The following ZNF658 variants were observed in gnomAD, a reference collection of about 807,000 sequenced individuals.
The protein encoded by ZNF658 is zinc finger protein 658.
Under a neutral mutation model 78.0 loss-of-function variants are expected in ZNF658, and 46 were observed. The ratio of observed to expected loss-of-function variants is 0.59; its 90% CI spans 0.47 to 0.75. The LOEUF (loss-of-function observed/expected upper bound fraction) is 0.75, where lower values mean the gene tolerates loss of function less well. Ranked by LOEUF, ZNF658 falls within the 30% of genes least tolerant of loss-of-function variation. The probability of loss-of-function intolerance (pLI) is 0.00; values close to 1 mark genes in which losing one functional copy is unlikely to be tolerated. For missense variants in ZNF658, 785 were observed against 1,189.3 expected (o/e 0.66, Z 5.00); for synonymous variants, 279 against 408.4 (o/e 0.68, Z 3.82).
At chr9:66,925,780 C>T (rs1215797257), downstream of ZNF658, among the ~76,000 whole-genome samples, 1 of 151,786 alleles carries the variant, frequency 6.6e-6, no homozygotes, top group Non-Finnish European at 1.5e-5. Flanking sequence ...AGACAAAAGA[C>T]ACTACAAAAA....
chr9:66,908,743 G>A lies in ZNF658; in HGVS notation c.238+9G>A, dbSNP rs369435716. The A allele has an allele frequency of 2.9e-5, 46 of 1,609,748 alleles. No homozygotes were observed. In the African/African-American group the frequency reaches 4.6e-4, roughly 16 times the overall value. On this transcript the variant is annotated intron_variant, in intron 4 of 4. Coordinates refer to ENST00000621410, the MANE Select transcript of ZNF658 (RefSeq NM_033160.7). ...GAACCAGAGGTACCCAGGTGAGTGGGCATTAACAGAAGGAGCCCCCTGGGG... is the reference window on the plus strand; with the variant it reads ...GAACCAGAGGTACCCAGGTGAGTGGACATTAACAGAAGGAGCCCCCTGGGG...
At chr9:66,929,506 T>C (rs1822619267) in intron 6 of ZNF658, among the ~76,000 whole-genome samples, 2 of 151,008 alleles carry the variant, frequency 1.3e-5, no homozygotes, top group South Asian at 4.2e-4. Flanking sequence ...TAGACAGCTA[T>C]TGAATTATTT....
intron 1 of ZNF658, among the ~76,000 whole-genome samples, chr9:66,901,676 G>A (rs1821955892): frequency 6.6e-6 from 1 of 152,132 alleles, no homozygotes; most frequent in Non-Finnish European, 1.5e-5. Context: ...CAGGTGCGGT[G>A]GCTCATGCCT....
chr9:66,909,611 T>C (rs564110597), intron 4 of ZNF658, among the ~76,000 whole-genome samples: 1 of 152,062 alleles, frequency 6.6e-6, no homozygotes, highest in Non-Finnish European at 1.5e-5. Context: ...TCATATGGTA[T>C]CTGTGTCTTT....
At chr9:66,922,599 G>T (rs1822545558), downstream of ZNF658, among the ~76,000 whole-genome samples, 1 of 68,378 alleles carries the variant, frequency 1.5e-5, no homozygotes, top group Non-Finnish European at 3.2e-5. Flanking sequence ...AAGACTGAGA[G>T]GGGAGAAATG....
downstream of ZNF658, among the ~76,000 whole-genome samples, chr9:66,925,255 T>C (rs1822574925): frequency 6.7e-6 from 1 of 148,932 alleles, no homozygotes; most frequent in Admixed American, 6.7e-5. Flanking sequence ...GTTGAAAAAA[T>C]GCAATTTTAG....
Position 66,908,351 on chromosome 9 carries a change from C to A in ZNF658, c.129C>A (p.His43Gln). The change falls in exon 3 of 5, where the codon CAC becomes CAA. Residue 43 changes from histidine to glutamine, a missense_variant. Physicochemically the swap from His to Gln is conservative, Grantham distance 24 (BLOSUM62 0). Coordinates refer to ENST00000621410, the MANE Select transcript of ZNF658 (RefSeq NM_033160.7). Reference sequence around the variant, plus strand: ...ATGTGATGCTGGAGAACTACAGCCACCTCATCTCAGTGGGTGAGCATAGCT... The same window carrying A: ...ATGTGATGCTGGAGAACTACAGCCAACTCATCTCAGTGGGTGAGCATAGCT... ...YRDVMLENYSHLISVGYCITK... is the reference protein window; with the variant it reads ...YRDVMLENYSQLISVGYCITK... 6.2e-7 allele frequency: 1 copy of A among 1,614,010 alleles called. No individual in the cohort carries two copies. The highest frequency in any genetic ancestry group is 8.5e-7 in the Non-Finnish European group (1 of 1,179,976).
intron 2 of ZNF658, among the ~76,000 whole-genome samples, chr9:66,904,212 C>A (rs1271096850): frequency 6.6e-6 from 1 of 151,784 alleles, no homozygotes; most frequent in Non-Finnish European, 1.5e-5. Context: ...CCATGGGATG[C>A]CTTGATTTTT....
intron 4 of ZNF658, among the ~76,000 whole-genome samples, chr9:66,909,822 C>T (rs1420710752): frequency 5.3e-5 from 8 of 152,158 alleles, no homozygotes; most frequent in Admixed American, 2.0e-4. Context: ...TCAGCTAGGG[C>T]TATCATAATA....
rs997960700 is a variant in ZNF658, at chr9:66,917,678, A to C, written c.239-127A>C. 16 of 709,656 alleles carry C rather than the reference A, an allele frequency of 2.3e-5. No homozygotes were observed. In the Admixed American group the frequency reaches 2.4e-4, roughly 10 times the overall value. 44.0% of individuals were successfully genotyped at this position (709,656 alleles called of 1,614,324 possible). On this transcript the variant is annotated intron_variant, in intron 4 of 4. Transcript: ENST00000621410. ...CAGTGAGCTATGATCATGCCACTGC[A>C]CTCCAGCCTGGGTGACAGAGCAATA...
chr9:66,910,775 A>G lies in ZNF658; in HGVS notation c.238+2041A>G, dbSNP rs945996187. Among the ~76,000 whole-genome samples the G allele has an allele frequency of 4.1e-5, 6 of 144,594 alleles. No homozygotes were observed. The Admixed American group carries it at 4.4e-4, about 11-fold the overall frequency. The allele number at this position is 144,594 out of a possible 152,430, so 94.9% of individuals were successfully genotyped here. Reference sequence around the variant, plus strand: ...AGCACCACTGCACTCCGGCCTGGGCAAAAGAGCGAGACTCAGTCCCAAAAA... The same window carrying G: ...AGCACCACTGCACTCCGGCCTGGGCGAAAGAGCGAGACTCAGTCCCAAAAA... On this transcript the variant is annotated intron_variant, in intron 4 of 4. Coordinates refer to ENST00000621410, the MANE Select transcript of ZNF658 (RefSeq NM_033160.7).
In ZNF658 at chr9:66,919,693, G is replaced by A. The variant is rs768910171; in HGVS notation, c.2127G>A (p.Thr709=). 76 of 1,603,942 alleles carry A rather than the reference G, an allele frequency of 4.7e-5. No individual in the cohort carries two copies. Among genetic ancestry groups the A allele is most frequent in the African/African-American group, 2.1e-4 (15 of 72,334 alleles). Residue 709 remains threonine, a synonymous_variant, in exon 5 of 5, where the codon ACG becomes ACA. Coordinates refer to ENST00000621410, the MANE Select transcript of ZNF658 (RefSeq NM_033160.7). ...TCAAAATACATCAGAGAATTCACAC[G>A]GGGGAGAAACCCTATGAATGTAATG... ...SALKIHQRIH[T]GEKPYECNEC...
At chr9:66,909,111 G>T (rs1377770537) in intron 4 of ZNF658, among the ~76,000 whole-genome samples, 1 of 151,908 alleles carries the variant, frequency 6.6e-6, no homozygotes, top group African/African-American at 2.4e-5. Context: ...CAAGGACTTG[G>T]GCATTTGTGG....
intron 2 of ZNF658, among the ~76,000 whole-genome samples, chr9:66,906,196 G>A (rs1338066239): frequency 7.0e-6 from 1 of 142,260 alleles, no homozygotes; most frequent in African/African-American, 2.8e-5. Flanking sequence ...TCCTTCAACA[G>A]ACATCCAGGC....
At chr9:66,902,851 C>CT (rs1172257535) in intron 1 of ZNF658, 3 of 151,796 alleles carry the variant, frequency 2.0e-5, no homozygotes, top group East Asian at 3.9e-4. Flanking sequence ...CTGAGTAGTT[C>CT]TTTTTTAAAA....
Position 66,908,400 on chromosome 9 carries a change from A to G in ZNF658, c.142+36A>G, listed in dbSNP as rs777667668. On this transcript the variant is annotated intron_variant, in intron 3 of 4. Coordinates refer to ENST00000621410, the MANE Select transcript of ZNF658 (RefSeq NM_033160.7). ...CTTACCATGGGGCTCTCTCGAGAATATATGTCCCTTTTTAAAAAGTATCAA... is the reference window on the plus strand; with the variant it reads ...CTTACCATGGGGCTCTCTCGAGAATGTATGTCCCTTTTTAAAAAGTATCAA... The G allele has an allele frequency of 9.9e-6, 16 of 1,613,360 alleles. No homozygotes were observed. The South Asian group carries it at 1.2e-4, about 12-fold the overall frequency.
chr9:66,919,609 A>G lies in ZNF658; in HGVS notation c.2043A>G (p.Thr681=), dbSNP rs1822450811. 1.9e-6 allele frequency: 3 copies of G among 1,609,520 alleles called. No individual in the cohort carries two copies. The highest frequency in any genetic ancestry group is 4.5e-5 in the East Asian group (2 of 44,710). ...TGAGAGCACATCAGAGAATTCACAC[A>G]GGTAGAAAACCCTATGAATGTAGTG... ...SALRAHQRIH[T]GRKPYECSDC... is the part of the protein sequence containing the mutation. The change falls in exon 5 of 5, where the codon ACA becomes ACG. Residue 681 remains threonine (T), a synonymous_variant. Coordinates refer to ENST00000621410, the MANE Select transcript of ZNF658 (RefSeq NM_033160.7).
At chr9:66,922,217 TG>T (rs1822537940), downstream of ZNF658, among the ~76,000 whole-genome samples, 1 of 148,576 alleles carries the variant, frequency 6.7e-6, no homozygotes, top group Admixed American at 6.8e-5. Flanking sequence ...GTATTAGGGT[TG>T]GAGTGTCCTG....
At chr9:66,901,716 C>T (rs1821956476) in intron 1 of ZNF658, among the ~76,000 whole-genome samples, 2 of 151,906 alleles carry the variant, frequency 1.3e-5, no homozygotes, top group Admixed American at 6.6e-5. Context: ...AGGCCTAGGC[C>T]AGTGGATCAC....
Sources: gnomAD v4.1 joint callset for allele counts (sites outside exome capture counted in the v4.1 genomes callset) on GRCh38, gnomAD v4.1.1 for gene constraint, MANE v1.5 for transcripts, NCBI Gene and HGNC (gene_info 2026-07-23, HGNC 2026-07-21) for gene names.